AP1S1: variants seen among roughly 807,000 people sequenced by gnomAD.
The protein encoded by AP1S1 is AP-1 complex subunit sigma-1A.
AP1S1 carries 13 observed loss-of-function variants against 23.9 expected under a neutral mutation model. That is an observed-to-expected ratio of 0.54 (90% CI 0.35 to 0.86). The LOEUF (loss-of-function observed/expected upper bound fraction) is 0.86. AP1S1 is among the 40% of genes least tolerant of loss of function. The pLI, the probability that AP1S1 is intolerant of heterozygous loss-of-function variation, is 0.01. For synonymous variants in AP1S1, 84 were observed against 77.7 expected (o/e 1.08, Z -0.43); for missense variants, 119 against 197.6 (o/e 0.60, Z 2.38).
At chr7:101,159,031 T>C (rs759509300) in intron 3 of AP1S1, 28 bp from the exon 4 acceptor site, 1 of 1,608,786 alleles carries the variant, frequency 6.2e-7, no homozygotes. Flanking sequence ...CCCTCCATGC[T>C]CAACTTAGCC....
At position 101,159,984 on chromosome 7, in the gene AP1S1, GCGCACACACACA is replaced by G. The variant is rs1797066105; in HGVS notation, c.430-533_430-522del. Reference sequence around the variant, plus strand: ...CACACGCACACACACACACCCTGGCGCGCACACACACACACACACACACATGCCCTGGCACAC... The same window carrying G: ...CACACGCACACACACACACCCTGGCGCACACACACACATGCCCTGGCACAC... On this transcript the variant is annotated intron_variant, in intron 4 of 4. Transcript: ENST00000337619. 2.8e-5 allele frequency among the ~76,000 whole-genome samples: 4 copies of G among 140,684 alleles called. No homozygotes were observed. The South Asian group carries it at 9.2e-4, about 32-fold the overall frequency. The allele number at this position is 140,684 out of a possible 152,430, so 92.3% of individuals were successfully genotyped here.
At position 101,157,408 on chromosome 7, in the gene AP1S1, G is replaced by A. The variant is rs1232164156; in HGVS notation, c.214G>A (p.Glu72Lys). The A allele has an allele frequency of 1.3e-6, 2 of 1,581,090 alleles. No homozygotes were observed. Among genetic ancestry groups the A allele is most frequent in the Non-Finnish European group, 8.6e-7 (1 of 1,163,494 alleles). Residue 72 changes from glutamate to lysine, a missense_variant, in exon 3 of 5, where the codon GAG becomes AAG. Physicochemically the swap from Glu to Lys is moderately conservative, Grantham distance 56. Coordinates refer to ENST00000337619, the MANE Select transcript of AP1S1 (RefSeq NM_001283.5). ...YASLYFCCAIEGQDNELITLE... is the reference protein window; with the variant it reads ...YASLYFCCAIKGQDNELITLE... ...CAGCCTCTACTTCTGCTGCGCCATC[G>A]AGGGCCAAGACAATGAGCTCATCAC...
chr7:101,157,479 T>C lies in AP1S1; in HGVS notation c.285T>C (p.Phe95=), dbSNP rs1048141172. Residue 95 remains phenylalanine (F), a synonymous_variant, in exon 3 of 5, where the codon TTT becomes TTC. Coordinates refer to ENST00000337619, the MANE Select transcript of AP1S1 (RefSeq NM_001283.5). ...ACGTGGAGCTCTTAGACAAATACTT[T>C]GGCAGTGTAAGTCTCCTCTGCCCAC... ...HRYVELLDKY[F]GSVCELDIIF... is the part of the protein sequence containing the mutation. The C allele has an allele frequency of 1.9e-6, 3 of 1,557,726 alleles. No individual in the cohort carries two copies. The highest frequency in any genetic ancestry group is 1.9e-5 in the Admixed American group (1 of 51,802).
At position 101,159,207 on chromosome 7, in the gene AP1S1, G is replaced by A. The variant is rs2116691560; in HGVS notation, c.429+11G>A. On this transcript the variant is annotated intron_variant, in intron 4 of 4. Transcript: ENST00000337619. ...GACCTACTGCAAGAGGTACGGGCCA[G>A]GGACAGTGAGGAGGAGGAGGAAGCG... 6.2e-7 allele frequency: 1 copy of A among 1,604,748 alleles called. No individual in the cohort carries two copies. The highest frequency in any genetic ancestry group is 2.2e-5 in the East Asian group (1 of 44,566).
In AP1S1 at chr7:101,154,503, G is replaced by C; in HGVS notation, c.-12G>C. ...TGGCCGAAGTGGGACGCGCCGAGCC[G>C]GAGGCTGCAGGATGGTAGGCTGTGC... On this transcript the variant is annotated 5_prime_UTR_variant, in exon 1 of 5. Coordinates refer to ENST00000337619, the MANE Select transcript of AP1S1 (RefSeq NM_001283.5). 1 of 1,573,534 alleles carries C rather than the reference G, an allele frequency of 6.4e-7. No homozygotes were observed. Among genetic ancestry groups the C allele is most frequent in the Non-Finnish European group, 8.6e-7 (1 of 1,160,170 alleles).
chr7:101,155,708 T>C (rs1391268453), intron 1 of AP1S1, among the ~76,000 whole-genome samples: 2 of 152,076 alleles, frequency 1.3e-5, no homozygotes, highest in Non-Finnish European at 2.9e-5. Flanking sequence ...GAGGATGATA[T>C]GTTTGGGAGA....
chr7:101,157,501 C>A lies in AP1S1; in HGVS notation c.291+16C>A. 6.5e-7 allele frequency: 1 copy of A among 1,527,402 alleles called. No individual in the cohort carries two copies. The highest frequency in any genetic ancestry group is 1.4e-5 in the African/African-American group (1 of 72,578). The allele number at this position is 1,527,402 out of a possible 1,614,324, so 94.6% of individuals were successfully genotyped here. On this transcript the variant is annotated intron_variant, in intron 3 of 4. Coordinates refer to ENST00000337619, the MANE Select transcript of AP1S1 (RefSeq NM_001283.5). ...CTTTGGCAGTGTAAGTCTCCTCTGC[C>A]CACCAGTTTCCATTCCCAGCAATCC...
chr7:101,154,648 G>C (rs1416672491), intron 1 of AP1S1, 131 bp downstream of exon 1: 2 of 1,271,496 alleles, frequency 1.6e-6, no homozygotes, highest in South Asian at 3.2e-5. Flanking sequence ...CCCTTGCCTC[G>C]GCGGGTGGGC....
chr7:101,156,655 C>T lies in AP1S1; in HGVS notation c.65C>T (p.Ala22Val). ...GKLRLQKWYL[A>V]TSDKERKKMV... ...CTGCGGCTGCAAAAATGGTACCTGG[C>T]CACTTCGGACAAGGAACGGAAGAAG... Residue 22 changes from alanine (A) to valine (V), a missense_variant, in exon 2 of 5, where the codon GCC becomes GTC. By Grantham distance (64) the Ala-to-Val change is moderately conservative (BLOSUM62 0). Coordinates refer to ENST00000337619, the MANE Select transcript of AP1S1 (RefSeq NM_001283.5). The T allele has an allele frequency of 6.2e-7, 1 of 1,612,000 alleles. No homozygotes were observed. The highest frequency in any genetic ancestry group is 8.5e-7 in the Non-Finnish European group (1 of 1,179,174).
At chr7:101,159,495 C>A in intron 4 of AP1S1, 1 of 411,548 alleles carries the variant, frequency 2.4e-6, no homozygotes, top group Non-Finnish European at 4.3e-6. Context: ...CTGAGCAAGG[C>A]TTAACACCAA....
At chr7:101,156,911 C>CT (rs34043825) in intron 2 of AP1S1, 139 bp downstream of exon 2, 17,933 of 414,588 alleles carry the variant, frequency 0.043, no homozygotes, top group East Asian at 0.073. Flanking sequence ...TGTCAGCTTC[C>CT]TTTTTTTTTT....
Position 101,160,959 on chromosome 7 carries a change from T to TCC in AP1S1, c.*393_*394insCC, listed in dbSNP as rs1562866046. 5.6e-5 allele frequency: 20 copies of TCC among 358,272 alleles called. No individual in the cohort carries two copies. The highest frequency in any genetic ancestry group is 8.8e-4 in the Middle Eastern group (1 of 1,140). 22.2% of individuals were successfully genotyped at this position (358,272 alleles called of 1,614,324 possible). ...TTCTTGTCCTCTCTGTCCCATAACC[T>TCC]ACCTCCACCCTCCCCCTAGCCAGCC... On this transcript the variant is annotated 3_prime_UTR_variant, in exon 5 of 5. Transcript: ENST00000337619.
chr7:101,159,481 T>G, intron 4 of AP1S1: 3 of 429,890 alleles, frequency 7.0e-6, no homozygotes, highest in East Asian at 5.0e-5. Flanking sequence ...CTTTGTCCAA[T>G]TCTCTGAGCA....
rs988740095 is a variant in AP1S1, at chr7:101,159,743, G to A, written c.429+547G>A. Among the ~76,000 whole-genome samples the A allele has an allele frequency of 3.3e-5, 5 of 150,592 alleles. No individual in the cohort carries two copies. In the East Asian group the frequency reaches 8.0e-4, roughly 24 times the overall value. ...GTTCTCCCTGCTCCCCAGCGCCCCC[G>A]CCCTCACCCCATTACTGCCTGCCCC... On this transcript the variant is annotated intron_variant, in intron 4 of 4. Coordinates refer to ENST00000337619, the MANE Select transcript of AP1S1 (RefSeq NM_001283.5).
chr7:101,159,984 GCGCA>G lies in AP1S1; in HGVS notation c.430-533_430-530del, dbSNP rs1402400147. ...CACACGCACACACACACACCCTGGC[GCGCA>G]CACACACACACACACACACATGCCC... On this transcript the variant is annotated intron_variant, in intron 4 of 4. Transcript: ENST00000337619. Among the ~76,000 whole-genome samples the G allele has an allele frequency of 1.8e-4, 25 of 140,662 alleles. No individual in the cohort carries two copies. In the South Asian group the frequency reaches 2.1e-3, roughly 12 times the overall value. 92.3% of individuals were successfully genotyped at this position (140,662 alleles called of 152,430 possible).
At chr7:101,157,056 C>G (rs1797003517) in intron 2 of AP1S1, among the ~76,000 whole-genome samples, 1 of 152,096 alleles carries the variant, frequency 6.6e-6, no homozygotes, top group Non-Finnish European at 1.5e-5. Context: ...AGTCAAAGGT[C>G]CTGCCCTACT....
At position 101,156,635 on chromosome 7, in the gene AP1S1, G is replaced by A; in HGVS notation, c.45G>A (p.Arg15=). 6.2e-7 allele frequency: 1 copy of A among 1,612,428 alleles called. No homozygotes were observed. The highest frequency in any genetic ancestry group is 8.5e-7 in the Non-Finnish European group (1 of 1,179,342). Residue 15 remains arginine, a synonymous_variant, in exon 2 of 5, where the codon CGG becomes CGA. Transcript: ENST00000337619. ...MLLFSRQGKL[R]LQKWYLATSD... is the part of the protein sequence containing the mutation. ...TATTCAGCCGGCAGGGAAAACTGCG[G>A]CTGCAAAAATGGTACCTGGCCACTT...
chr7:101,158,975 C>A, intron 3 of AP1S1, 84 bp from the exon 4 acceptor site: 1 of 1,553,806 alleles, frequency 6.4e-7, no homozygotes, highest in Non-Finnish European at 8.7e-7. Flanking sequence ...GGGGGCAGAA[C>A]CCAAGGTGGG....
At chr7:101,158,200 A>G (rs1006486624) in intron 3 of AP1S1, among the ~76,000 whole-genome samples, 17 of 152,336 alleles carry the variant, frequency 1.1e-4, no homozygotes, top group African/African-American at 3.6e-4. Flanking sequence ...ATTCTGAATT[A>G]ACTTATCTGA....
Sources: gnomAD v4.1 joint callset for allele counts (sites outside exome capture counted in the v4.1 genomes callset) on GRCh38, gnomAD v4.1.1 for gene constraint, MANE v1.5 for transcripts, NCBI Gene and HGNC (gene_info 2026-07-23, HGNC 2026-07-21) for gene names.